Variants in MDGA2 observed in about 807,000 individuals in gnomAD.
The protein encoded by MDGA2 is MAM domain-containing glycosylphosphatidylinositol anchor protein 2.
MDGA2 carries 40 observed loss-of-function variants against 117.8 expected under a neutral mutation model. The ratio of observed to expected loss-of-function variants is 0.34; its 90% confidence interval spans 0.26 to 0.44. MDGA2 has a LOEUF of 0.44. Ranked by LOEUF, MDGA2 falls within the 20% of genes least tolerant of loss-of-function variation. The probability of loss-of-function intolerance (pLI) is 1.00; values close to 1 mark genes in which losing one functional copy is unlikely to be tolerated. For synonymous variants in MDGA2, 452 were observed against 439.0 expected, an observed-to-expected ratio of 1.03 and a Z score of -0.37; for missense variants, 1,123 against 1,250.6, an observed-to-expected ratio of 0.90 and a Z score of 1.54.
chr14:47,208,545 T>A (rs897693072), intron 3 of MDGA2, among the ~76,000 whole-genome samples: 5 of 137,718 alleles, frequency 3.6e-5, no homozygotes, highest in Non-Finnish European at 6.4e-5. Flanking sequence ...TTTTTTTTTT[T>A]ATGAAATGTC....
intron 10 of MDGA2, among the ~76,000 whole-genome samples, chr14:46,907,072 G>A (rs1883526522): frequency 6.8e-6 from 1 of 147,642 alleles, no homozygotes; most frequent in Non-Finnish European, 1.5e-5. Flanking sequence ...CACCTCCCAG[G>A]TTCAAGCAAT....
intron 1 of MDGA2, among the ~76,000 whole-genome samples, chr14:47,426,167 C>CTGTATTCTTCTGTATAGCAAAT (rs1892685075): frequency 6.6e-6 from 1 of 152,092 alleles, no homozygotes; most frequent in Non-Finnish European, 1.5e-5. Context: ...CTGTATACTT[C>CTGTATTCTTCTGTATAGCAAAT]ACAAAGTATT....
chr14:47,538,249 C>A (rs1895263995), intron 1 of MDGA2, among the ~76,000 whole-genome samples: 1 of 152,114 alleles, frequency 6.6e-6, no homozygotes, highest in South Asian at 2.1e-4. Context: ...GCTTTTCCTG[C>A]CCCAATATTT....
chr14:47,214,317 C>T (rs910720285), intron 3 of MDGA2, among the ~76,000 whole-genome samples: 4 of 152,034 alleles, frequency 2.6e-5, no homozygotes, highest in African/African-American at 4.8e-5. Context: ...TCGGGAAATT[C>T]AAGTCACTGT....
At chr14:47,540,818 A>T (rs2900009) in intron 1 of MDGA2, among the ~76,000 whole-genome samples, 2 of 151,298 alleles carry the variant, frequency 1.3e-5, no homozygotes, top group African/African-American at 2.4e-5. Context: ...TCCCAGCTTG[A>T]CCTCCCAAAG....
At chr14:47,207,245 G>A (rs940426769) in intron 3 of MDGA2, among the ~76,000 whole-genome samples, 10 of 151,884 alleles carry the variant, frequency 6.6e-5, no homozygotes, top group Non-Finnish European at 8.8e-5. Flanking sequence ...AGGTGAGGTC[G>A]AAGGATGTTG....
chr14:46,979,900 C>G (rs1167905219), intron 8 of MDGA2, among the ~76,000 whole-genome samples: 1 of 152,178 alleles, frequency 6.6e-6, no homozygotes, highest in African/African-American at 2.4e-5. Flanking sequence ...CTACACCAAA[C>G]AACAGATTTT....
intron 7 of MDGA2, among the ~76,000 whole-genome samples, chr14:47,060,081 T>G (rs1889827892): frequency 6.6e-6 from 1 of 152,092 alleles, no homozygotes; most frequent in Admixed American, 6.6e-5. Flanking sequence ...CGTTTAAATA[T>G]GTTAGAATTT....
chr14:47,159,643 G>C (rs1038526613), intron 3 of MDGA2, among the ~76,000 whole-genome samples: 1 of 151,962 alleles, frequency 6.6e-6, no homozygotes, highest in Admixed American at 6.5e-5. Flanking sequence ...CTAAATTTTT[G>C]TGCACTCTGA....
intron 1 of MDGA2, among the ~76,000 whole-genome samples, chr14:47,636,937 A>C (rs936763819): frequency 3.3e-5 from 5 of 151,664 alleles, no homozygotes; most frequent in African/African-American, 1.2e-4. Context: ...ATGCCACTGC[A>C]CTCCAGCCTG....
chr14:47,296,442 A>G (rs181211026), intron 2 of MDGA2, among the ~76,000 whole-genome samples: 2 of 152,338 alleles, frequency 1.3e-5, no homozygotes, highest in East Asian at 3.9e-4. Flanking sequence ...TGTCGTCACA[A>G]GTCTACAAGA....
At chr14:47,440,484 A>C (rs939146409) in intron 1 of MDGA2, among the ~76,000 whole-genome samples, 8 of 152,172 alleles carry the variant, frequency 5.3e-5, no homozygotes, top group Non-Finnish European at 1.2e-4. Context: ...CAGTGATGGC[A>C]ACTTAAGTCA....
chr14:47,185,378 CT>C (rs1884869504), intron 3 of MDGA2, among the ~76,000 whole-genome samples: 2 of 151,332 alleles, frequency 1.3e-5, no homozygotes, highest in Admixed American at 1.3e-4. Context: ...AAAAGCACCC[CT>C]ATGCTTTAGG....
chr14:46,989,841 G>C (rs1404247087), intron 8 of MDGA2, among the ~76,000 whole-genome samples: 2 of 152,058 alleles, frequency 1.3e-5, no homozygotes, highest in Non-Finnish European at 2.9e-5. Context: ...CTCAGAATTT[G>C]AAAGAACAAT....
chr14:47,583,648 C>A (rs910641080), intron 1 of MDGA2, among the ~76,000 whole-genome samples: 8 of 151,666 alleles, frequency 5.3e-5, no homozygotes, highest in African/African-American at 1.9e-4. Context: ...TTAATAACTA[C>A]CTGTTCTTTA....
At chr14:47,065,773 T>G (rs1890057898) in intron 6 of MDGA2, among the ~76,000 whole-genome samples, 1 of 152,190 alleles carries the variant, frequency 6.6e-6, no homozygotes, top group Non-Finnish European at 1.5e-5. Flanking sequence ...TTTTAGCTTC[T>G]GTTAAGTATC....
At chr14:47,287,757 G>T (rs2139762146) in intron 2 of MDGA2, among the ~76,000 whole-genome samples, 1 of 152,246 alleles carries the variant, frequency 6.6e-6, no homozygotes, top group East Asian at 1.9e-4. Flanking sequence ...CTCACAACGT[G>T]ATGTTACTCG....
At chr14:47,032,292 T>TA (rs1566583538) in intron 8 of MDGA2, among the ~76,000 whole-genome samples, 4 of 151,522 alleles carry the variant, frequency 2.6e-5, no homozygotes, top group Admixed American at 2.0e-4. Flanking sequence ...ATTTTCAAAT[T>TA]AAAAAAAAAT....
intron 10 of MDGA2, among the ~76,000 whole-genome samples, chr14:46,902,816 A>G (rs949501997): frequency 6.6e-6 from 1 of 152,208 alleles, no homozygotes; most frequent in Non-Finnish European, 1.5e-5. Flanking sequence ...GATTTACACT[A>G]CTTAATGTGA....
Sources: gnomAD v4.1 joint callset for allele counts (sites outside exome capture counted in the v4.1 genomes callset) on GRCh38, gnomAD v4.1.1 for gene constraint, MANE v1.5 for transcripts, NCBI Gene and HGNC (gene_info 2026-07-23, HGNC 2026-07-21) for gene names.